Variants in DSC1 observed in about 807,000 individuals in gnomAD.
DSC1 encodes the protein desmocollin-1.
A neutral mutation model predicts 98.8 loss-of-function variants in DSC1; 79 were observed. The ratio of observed to expected loss-of-function variants is 0.80; its 90% CI spans 0.67 to 0.96. DSC1 has a LOEUF of 0.96. DSC1 is among the 50% of genes least tolerant of loss of function. The pLI, the probability that DSC1 is intolerant of heterozygous loss-of-function variation, is 0.00. For missense variants in DSC1, 1,115 were observed against 1,075.9 expected (o/e 1.04, Z -0.51); for synonymous variants, 405 against 372.1 (o/e 1.09, Z -1.02).
chr18:31,157,064 G>A (rs533663255), intron 3 of DSC1, among the ~76,000 whole-genome samples: 5 of 152,160 alleles, frequency 3.3e-5, no homozygotes, highest in South Asian at 4.1e-4. Flanking sequence ...TTTTAGACCC[G>A]CCCCTGTCTT....
rs116676917 is a variant in DSC1, at chr18:31,134,777, T to C, written c.1671A>G (p.Arg557=). 189 of 1,608,078 alleles carry C rather than the reference T, an allele frequency of 1.2e-4. 1 individual carries two copies. In the East Asian group the frequency reaches 4.2e-3, roughly 35 times the overall value. The part of the protein sequence containing the change: ...ISVVAVDAVG[R]SCTGTLVVHL... ...GAACTACTAATGTTCCAGTGCAAGA[T>C]CGGCCAACTAAGATTAATTAAAAAT... is the stretch of plus-strand genomic sequence containing the variant. Residue 557 remains arginine (R), a synonymous_variant, in exon 12 of 16, where the codon CGA becomes CGG. Coordinates refer to ENST00000257198, the MANE Select transcript of DSC1 (RefSeq NM_024421.2).
At chr18:31,139,923 A>T in intron 10 of DSC1, 33 bp from the exon 11 acceptor site, 1 of 1,579,384 alleles carries the variant, frequency 6.3e-7, no homozygotes, top group Admixed American at 1.9e-5. Flanking sequence ...GAACGGTCAA[A>T]TCAAAGAAGG....
intron 8 of DSC1, 85 bp downstream of exon 8, chr18:31,143,572 G>T: frequency 9.3e-7 from 1 of 1,079,166 alleles, no homozygotes; most frequent in Non-Finnish European, 1.2e-6. Context: ...GTCAAACTTT[G>T]TGATCTCACA....
intron 14 of DSC1, 84 bp downstream of exon 14, chr18:31,132,484 T>G: frequency 2.4e-5 from 37 of 1,541,206 alleles, no homozygotes; most frequent in Non-Finnish European, 3.3e-5. Context: ...TAAACATTAG[T>G]GATATTATCA....
intron 5 of DSC1, among the ~76,000 whole-genome samples, chr18:31,149,782 G>T (rs1340543000): frequency 6.6e-6 from 1 of 152,054 alleles, no homozygotes; most frequent in Non-Finnish European, 1.5e-5. Context: ...AACCTGGAAA[G>T]GAAAGAATGT....
At chr18:31,155,057 T>G in intron 4 of DSC1, 128 bp from the exon 5 acceptor site, 1 of 1,107,618 alleles carries the variant, frequency 9.0e-7, no homozygotes, top group South Asian at 1.6e-5. Flanking sequence ...TTCTTCTGCT[T>G]AGGTGCCCAT....
intron 14 of DSC1, 76 bp from the exon 15 acceptor site, chr18:31,131,918 T>C: frequency 2.6e-6 from 4 of 1,524,660 alleles, no homozygotes; most frequent in Admixed American, 3.7e-5. Context: ...TTTTTCACCA[T>C]AGGCAAATCA....
chr18:31,131,863 A>T lies in DSC1; in HGVS notation c.2239-21T>A, dbSNP rs757533102. The stretch of plus-strand genomic sequence containing the variant: ...GCTTCCTAAAAGTAAAGTGAGAGTG[A>T]TAAAGTGAATTTGAAAAATGGAAAC... On this transcript the variant is annotated intron_variant, in intron 14 of 15. Transcript: ENST00000257198. 5 of 1,608,912 alleles carry T rather than the reference A, an allele frequency of 3.1e-6. No individual in the cohort carries two copies. In the African/African-American group the frequency reaches 5.4e-5, roughly 17 times the overall value.
chr18:31,145,859 T>C, intron 6 of DSC1, 82 bp from the exon 7 acceptor site: 3 of 1,433,840 alleles, frequency 2.1e-6, no homozygotes, highest in Non-Finnish European at 2.8e-6. Flanking sequence ...GGCATTGCTG[T>C]AGCAAATTCT....
chr18:31,148,029 G>A (rs1009393807), intron 6 of DSC1, among the ~76,000 whole-genome samples: 1 of 152,034 alleles, frequency 6.6e-6, no homozygotes, highest in East Asian at 1.9e-4. Context: ...ATGATCCCTG[G>A]CCCACGTGTA....
intron 4 of DSC1, among the ~76,000 whole-genome samples, chr18:31,155,511 T>A (rs941757762): frequency 4.6e-5 from 7 of 152,172 alleles, no homozygotes; most frequent in Non-Finnish European, 8.8e-5. Context: ...GTGTCCGTAA[T>A]CCCAGCAACT....
At chr18:31,134,243 T>G in intron 12 of DSC1, 113 bp from the exon 13 acceptor site, 1 of 1,371,458 alleles carries the variant, frequency 7.3e-7, no homozygotes, top group Non-Finnish European at 9.7e-7. Context: ...CTCGAATTTT[T>G]CTTTTTTTTT....
Position 31,129,414 on chromosome 18 carries a change from T to C in DSC1, c.*1100A>G, listed in dbSNP as rs1321767858. The stretch of plus-strand genomic sequence containing the variant: ...ATGTCCGGCTAATTTCTTATATTTT[T>C]AGTAGAGTGGGGGTTTCTCATATAC... On this transcript the variant is annotated 3_prime_UTR_variant, in exon 16 of 16. Transcript: ENST00000257198. 1 of 152,136 alleles carries C rather than the reference T, an allele frequency of 6.6e-6. No individual in the cohort carries two copies. Among genetic ancestry groups the C allele is most frequent in the Non-Finnish European group, 1.5e-5 (1 of 68,034 alleles). The allele number at this position is 152,136 out of a possible 1,614,324, so 9.4% of individuals were successfully genotyped here.
intron 5 of DSC1, among the ~76,000 whole-genome samples, chr18:31,153,528 C>T (rs558150004): frequency 6.6e-6 from 1 of 152,240 alleles, no homozygotes; most frequent in East Asian, 1.9e-4. Context: ...AAATATGCCA[C>T]TACAATCCCA....
rs766799441 is a variant in DSC1 at position 31,156,120 on chromosome 18, T to C, written c.394A>G (p.Ser132Gly). The C allele has an allele frequency of 3.0e-5, 48 of 1,614,078 alleles. No individual in the cohort carries two copies. The highest frequency in any genetic ancestry group is 4.0e-5 in the African/African-American group (3 of 74,942). The change falls in exon 4 of 16, where the codon AGC becomes GGC. Residue 132 changes from serine to glycine, a missense_variant. Physicochemically the swap from Ser to Gly is moderately conservative, Grantham distance 56 (BLOSUM62 0). Transcript: ENST00000257198. ...GGAATAGGAGCCCATCGTCTCTTGC[T>C]GCGCTTGAGGGCTGTGTCTTTGGTA... is the stretch of plus-strand genomic sequence containing the variant. ...RHTKDTALKRSKRRWAPIPAS... is the reference protein window; with the variant it reads ...RHTKDTALKRGKRRWAPIPAS...
At chr18:31,162,342 C>A (rs953227028) in intron 1 of DSC1, among the ~76,000 whole-genome samples, 190 bp downstream of exon 1, 19 of 152,176 alleles carry the variant, frequency 1.2e-4, no homozygotes, top group African/African-American at 4.1e-4. Context: ...GAGAAGTAAG[C>A]TGAACACTTT....
In DSC1 at chr18:31,134,655, G is replaced by A; in HGVS notation, c.1793C>T (p.Pro598Leu). 1 of 1,612,926 alleles carries A rather than the reference G, an allele frequency of 6.2e-7. No individual in the cohort carries two copies. The highest frequency in any genetic ancestry group is 1.1e-5 in the South Asian group (1 of 90,966). The change falls in exon 12 of 16, where the codon CCA becomes CTA. Residue 598 changes from proline (P) to leucine (L), a missense_variant. By Grantham distance (98) the Pro-to-Leu change is moderately conservative (BLOSUM62 -3). Transcript: ENST00000257198. ...EDFAVLKPVD[P>L]DGPENGPPFQ... ...AGGTGGTCCATTTTCAGGTCCATCTGGATCTACAGGTTTCAGAACAGCAAA... is the reference window on the plus strand; with the variant it reads ...AGGTGGTCCATTTTCAGGTCCATCTAGATCTACAGGTTTCAGAACAGCAAA...
intron 9 of DSC1, 106 bp downstream of exon 9, chr18:31,141,893 C>A: frequency 1.9e-6 from 2 of 1,062,152 alleles, no homozygotes; most frequent in Non-Finnish European, 2.6e-6. Context: ...AATCATTTGG[C>A]CTTGCACTGC....
chr18:31,162,160 G>C (rs879820870), intron 1 of DSC1, among the ~76,000 whole-genome samples: 1 of 152,150 alleles, frequency 6.6e-6, no homozygotes, highest in Non-Finnish European at 1.5e-5. Context: ...GTAGAACTCA[G>C]CATGTTAAAT....
Sources: gnomAD v4.1 joint callset for allele counts (sites outside exome capture counted in the v4.1 genomes callset) on GRCh38, gnomAD v4.1.1 for gene constraint, MANE v1.5 for transcripts, NCBI Gene and HGNC (gene_info 2026-07-23, HGNC 2026-07-21) for gene names.